The following TCF4 variants were observed in gnomAD, a reference collection of about 807,000 sequenced individuals.
TCF4 encodes SL3-3 enhancer factor 2.
Under a neutral mutation model 82.1 loss-of-function variants are expected in TCF4, and 3 were observed. That is an observed-to-expected ratio of 0.04 (90% CI 0.02 to 0.09). TCF4 has a LOEUF of 0.09. TCF4 is among the 10% of genes least tolerant of loss of function. TCF4 has a pLI of 1.00. For synonymous variants in TCF4, 276 were observed against 309.6 expected, an observed-to-expected ratio of 0.89 and a Z score of 1.14; for missense variants, 518 against 852.7, an observed-to-expected ratio of 0.61 and a Z score of 4.89.
chr18:55,261,069 CTTTTTTTTTT>C (rs78112276), intron 12 of TCF4: 6 of 91,908 alleles, frequency 6.5e-5, no homozygotes, highest in Admixed American at 4.6e-4. Flanking sequence ...CAGTTATTGT[CTTTTTTTTTT>C]TTTTTTTTTT....
chr18:55,567,435 C>T (rs2097419537), intron 3 of TCF4, among the ~76,000 whole-genome samples: 2 of 152,126 alleles, frequency 1.3e-5, no homozygotes, highest in African/African-American at 2.4e-5. Context: ...AGGCAGATTT[C>T]GAATATTAGC....
intron 8 of TCF4, among the ~76,000 whole-genome samples, chr18:55,344,598 T>C (rs1200862106): frequency 1.3e-5 from 2 of 152,184 alleles, no homozygotes; most frequent in Non-Finnish European, 2.9e-5. Flanking sequence ...CTAAATGCTA[T>C]TATTGTTTAT....
intron 15 of TCF4, among the ~76,000 whole-genome samples, chr18:55,242,892 A>T (rs1203770376): frequency 6.6e-6 from 1 of 152,124 alleles, no homozygotes; most frequent in Admixed American, 6.5e-5. Flanking sequence ...ACAGGCCTGA[A>T]CCACCGCGCC....
chr18:55,594,697 C>A (rs1384867518), intron 2 of TCF4, among the ~76,000 whole-genome samples: 1 of 152,160 alleles, frequency 6.6e-6, no homozygotes, highest in Non-Finnish European at 1.5e-5. Context: ...CCTTACTTTA[C>A]CAAGCCATGG....
At chr18:55,553,234 T>C (rs1603622647) in intron 3 of TCF4, 2 of 152,302 alleles carry the variant, frequency 1.3e-5, no homozygotes. Context: ...ATGTCCTCTT[T>C]TGGTGGTTTT....
chr18:55,559,365 C>T (rs1014971186), intron 3 of TCF4, among the ~76,000 whole-genome samples: 1 of 151,888 alleles, frequency 6.6e-6, no homozygotes, highest in Non-Finnish European at 1.5e-5. Context: ...TAGTACGTTG[C>T]TAATGTGTAA....
intron 3 of TCF4, among the ~76,000 whole-genome samples, chr18:55,583,551 C>A (rs2097599435): frequency 6.6e-6 from 1 of 152,100 alleles, no homozygotes; most frequent in East Asian, 1.9e-4. Context: ...AAATGTAACA[C>A]AATCTCATAT....
intron 6 of TCF4, among the ~76,000 whole-genome samples, chr18:55,379,477 G>C (rs988776539): frequency 6.6e-6 from 1 of 152,144 alleles, no homozygotes; most frequent in Non-Finnish European, 1.5e-5. Flanking sequence ...AAGGGAGTGT[G>C]TCCCTGGGAA....
rs558350880 is a variant in TCF4, at chr18:55,297,047, T to A, written c.550-17391A>T. On this transcript the variant is annotated intron_variant, in intron 8 of 19. Coordinates refer to ENST00000354452, the MANE Select transcript of TCF4 (RefSeq NM_001083962.2). ...ACCCATATGTATTTCGAGAGAAGCTTAATTCATATGTTTCTGATTTCTTTA... is the reference window on the plus strand; with the variant it reads ...ACCCATATGTATTTCGAGAGAAGCTAAATTCATATGTTTCTGATTTCTTTA... 5.3e-5 allele frequency among the ~76,000 whole-genome samples: 8 copies of A among 152,182 alleles called. No individual in the cohort carries two copies. In the South Asian group the frequency reaches 1.4e-3, roughly 28 times the overall value.
Position 55,546,146 on chromosome 18 carries a change from C to T in TCF4, c.145+39134G>A, listed in dbSNP as rs572724516. ...AGCCCAGGAGTAAGAGACCAGCCTC[C>T]GTAACAAAGTGAGACCTCGTCTCCA... is the stretch of plus-strand genomic sequence containing the variant. On this transcript the variant is annotated intron_variant, in intron 3 of 19. Coordinates refer to ENST00000354452, the MANE Select transcript of TCF4 (RefSeq NM_001083962.2). Among the ~76,000 whole-genome samples the T allele has an allele frequency of 2.6e-5, 4 of 152,016 alleles. No homozygotes were observed. The South Asian group carries it at 8.3e-4, about 32-fold the overall frequency.
chr18:55,421,907 C>T (rs2958169), intron 5 of TCF4, among the ~76,000 whole-genome samples: 59,472 of 151,792 alleles, frequency 0.39, 13,455 homozygotes, highest in African/African-American at 0.63. Context: ...CATAAATTAA[C>T]AGCTCTCTGT....
At chr18:55,572,925 T>C (rs184591399) in intron 3 of TCF4, among the ~76,000 whole-genome samples, 34 of 152,066 alleles carry the variant, frequency 2.2e-4, no homozygotes, top group Non-Finnish European at 4.6e-4. Context: ...TGGTGGCACA[T>C]GCTTGTAATT....
chr18:55,300,014 C>T (rs1423429625), intron 8 of TCF4, among the ~76,000 whole-genome samples: 4 of 152,046 alleles, frequency 2.6e-5, no homozygotes, highest in Non-Finnish European at 5.9e-5. Context: ...GAACTCCTAT[C>T]CATTATCATC....
At chr18:55,572,520 C>T (rs935576100) in intron 3 of TCF4, among the ~76,000 whole-genome samples, 1 of 152,082 alleles carries the variant, frequency 6.6e-6, no homozygotes, top group African/African-American at 2.4e-5. Flanking sequence ...TGTTCCTAAT[C>T]AGGAGTTACC....
exon 2 of TCF4, chr18:55,631,351 G>T (rs1435166889): frequency 1.1e-5 from 17 of 1,548,298 alleles, no homozygotes; most frequent in Non-Finnish European, 1.4e-5. Context: ...GCCCGTCCAA[G>T]AGATAATGTT....
At chr18:55,536,908 G>A (rs608062) in intron 3 of TCF4, among the ~76,000 whole-genome samples, 79 of 152,224 alleles carry the variant, frequency 5.2e-4, no homozygotes, top group African/African-American at 1.8e-3. Context: ...GCCGAGGAGG[G>A]CAGATCACGA....
intron 6 of TCF4, among the ~76,000 whole-genome samples, chr18:55,378,099 A>G (rs756908371): frequency 6.6e-6 from 1 of 152,166 alleles, no homozygotes; most frequent in African/African-American, 2.4e-5. Context: ...TAGAAAGGCT[A>G]CCTTCTCTTC....
At chr18:55,610,843 A>G (rs1034898883) in intron 2 of TCF4, among the ~76,000 whole-genome samples, 1 of 152,184 alleles carries the variant, frequency 6.6e-6, no homozygotes, top group Non-Finnish European at 1.5e-5. Context: ...TGGATTTAAT[A>G]TAATTGATGA....
intron 9 of TCF4, 49 bp downstream of exon 9, chr18:55,279,502 A>T: frequency 6.2e-7 from 1 of 1,612,674 alleles, no homozygotes; most frequent in Non-Finnish European, 8.5e-7. Context: ...TAAGTGACCC[A>T]GGAAAATGCT....
Sources: gnomAD v4.1 joint callset for allele counts (sites outside exome capture counted in the v4.1 genomes callset) on GRCh38, gnomAD v4.1.1 for gene constraint, MANE v1.5 for transcripts, NCBI Gene and HGNC (gene_info 2026-07-23, HGNC 2026-07-21) for gene names.